Variants in DIS3L2 observed in about 807,000 individuals in gnomAD.
DIS3L2 encodes the protein DIS3-like exonuclease 2.
A neutral mutation model predicts 97.5 loss-of-function variants in DIS3L2; 34 were observed. The observed-to-expected ratio is 0.35, with a 90% CI of 0.27 to 0.46. DIS3L2 has a LOEUF of 0.46. DIS3L2 is among the 20% of genes least tolerant of loss of function. DIS3L2 has a pLI of 1.00. For synonymous variants in DIS3L2, 435 were observed against 445.2 expected (o/e 0.98, Z 0.29); for missense variants, 1,038 against 1,146.0 (o/e 0.91, Z 1.36).
At chr2:232,172,566 A>C (rs1291607215) in intron 9 of DIS3L2, 1 of 409,996 alleles carries the variant, frequency 2.4e-6, no homozygotes, top group Non-Finnish European at 5.2e-6. Flanking sequence ...TTGATTCCCC[A>C]GCTTGACTAT....
intron 19 of DIS3L2, 21 bp from the exon 20 acceptor site, chr2:232,335,752 G>A (rs1236933294): frequency 6.5e-7 from 1 of 1,549,160 alleles, no homozygotes; most frequent in Non-Finnish European, 8.7e-7. Flanking sequence ...TGAGGCCTGA[G>A]GCTTGGTGTT....
At chr2:232,077,007 A>T (rs1459765881) in intron 5 of DIS3L2, among the ~76,000 whole-genome samples, 1 of 152,074 alleles carries the variant, frequency 6.6e-6, no homozygotes, top group Non-Finnish European at 1.5e-5. Flanking sequence ...TACCCAGCCT[A>T]CTTTTCCAGC....
At chr2:232,085,226 C>A (rs1239793173) in intron 5 of DIS3L2, among the ~76,000 whole-genome samples, 2 of 152,224 alleles carry the variant, frequency 1.3e-5, no homozygotes, top group African/African-American at 4.8e-5. Flanking sequence ...ATTATTCTCT[C>A]ATTTACTTAA....
At chr2:232,098,242 A>G (rs1399401264) in intron 6 of DIS3L2, among the ~76,000 whole-genome samples, 1 of 152,102 alleles carries the variant, frequency 6.6e-6, no homozygotes, top group Non-Finnish European at 1.5e-5. Context: ...TTTTTTATTA[A>G]CTGAAGCTTC....
chr2:231,984,290 T>G (rs1055212083), intron 1 of DIS3L2, among the ~76,000 whole-genome samples: 3 of 151,998 alleles, frequency 2.0e-5, no homozygotes, highest in Non-Finnish European at 4.4e-5. Context: ...TATTTTTAAA[T>G]TAAACTTTTT....
chr2:232,287,032 A>T (rs776702721), intron 13 of DIS3L2, among the ~76,000 whole-genome samples: 1 of 152,166 alleles, frequency 6.6e-6, no homozygotes, highest in South Asian at 2.1e-4. Flanking sequence ...GAAAGGTGGA[A>T]GCAAGAGCAT....
intron 1 of DIS3L2, among the ~76,000 whole-genome samples, chr2:232,006,060 CTCCTATAG>C (rs1419935129): frequency 6.6e-6 from 1 of 152,148 alleles, no homozygotes; most frequent in Non-Finnish European, 1.5e-5. Context: ...TGGTGGCACA[CTCCTATAG>C]TCCTAGCTAC....
chr2:232,149,471 G>T (rs1185105731), intron 8 of DIS3L2, among the ~76,000 whole-genome samples: 1 of 142,412 alleles, frequency 7.0e-6, no homozygotes, highest in Non-Finnish European at 1.5e-5. Flanking sequence ...TCTTGCGATA[G>T]TTTACTGAGA....
intron 5 of DIS3L2, among the ~76,000 whole-genome samples, chr2:232,061,581 T>G (rs78827121): frequency 0.019 from 2,898 of 152,334 alleles, 95 homozygotes; most frequent in African/African-American, 0.066. Context: ...TACTTTTTCT[T>G]CAACATTCAA....
At chr2:232,327,857 C>T (rs1003124728) in intron 14 of DIS3L2, among the ~76,000 whole-genome samples, 1 of 152,196 alleles carries the variant, frequency 6.6e-6, no homozygotes, top group Non-Finnish European at 1.5e-5. Context: ...AGGCAGAGGG[C>T]CTGCCAGTGC....
chr2:232,086,168 C>T (rs531377883), intron 5 of DIS3L2, among the ~76,000 whole-genome samples: 10 of 151,370 alleles, frequency 6.6e-5, no homozygotes, highest in African/African-American at 2.4e-4. Context: ...GTGCTTTATA[C>T]GTATATACGT....
chr2:232,103,644 C>G (rs1697271068), intron 6 of DIS3L2, among the ~76,000 whole-genome samples: 1 of 152,134 alleles, frequency 6.6e-6, no homozygotes, highest in Non-Finnish European at 1.5e-5. Context: ...TGACATTAGT[C>G]TGCAGTTTCT....
chr2:232,039,897 G>C (rs979210884), intron 5 of DIS3L2, among the ~76,000 whole-genome samples: 2 of 152,156 alleles, frequency 1.3e-5, no homozygotes, highest in South Asian at 4.1e-4. Context: ...TGACAGTTCT[G>C]CCTGGAGCAG....
At chr2:232,247,641 G>GGGGGGGGGT (rs1693298000) in intron 11 of DIS3L2, among the ~76,000 whole-genome samples, 1 of 78,234 alleles carries the variant, frequency 1.3e-5, no homozygotes, top group Non-Finnish European at 3.0e-5. Flanking sequence ...GGGGGCGGGG[G>GGGGGGGGGT]GGAGGGTGCC....
chr2:232,290,415 A>T (rs1255419952), intron 13 of DIS3L2, among the ~76,000 whole-genome samples: 1 of 152,196 alleles, frequency 6.6e-6, no homozygotes, highest in African/African-American at 2.4e-5. Flanking sequence ...GGGCTCACCC[A>T]GTAATACAGG....
intron 14 of DIS3L2, among the ~76,000 whole-genome samples, chr2:232,306,768 T>C (rs1694994331): frequency 6.6e-6 from 1 of 152,264 alleles, no homozygotes; most frequent in Admixed American, 6.5e-5. Flanking sequence ...TGGAAGGGAC[T>C]GGGCACTCCT....
At position 232,270,883 on chromosome 2, in the gene DIS3L2, TC is replaced by T. The variant is rs1559185199; in HGVS notation, c.1659+7444del. On this transcript the variant is annotated intron_variant, in intron 13 of 20. Coordinates refer to ENST00000325385, the MANE Select transcript of DIS3L2 (RefSeq NM_152383.5). ...TCGTCTCTCTCTCTCTCTCTCTCTC[TC>T]TCTCTCTCTCTCTCTCTCTCTCTCT... Among the ~76,000 whole-genome samples, 558 of 147,366 alleles carry T rather than the reference TC, an allele frequency of 3.8e-3. 2 individuals carry two copies. The highest frequency in any genetic ancestry group is 4.5e-3 in the Non-Finnish European group (305 of 67,074).
chr2:231,972,360 C>T (rs188035611), intron 1 of DIS3L2, among the ~76,000 whole-genome samples: 19 of 152,176 alleles, frequency 1.2e-4, no homozygotes, highest in Admixed American at 3.3e-4. Flanking sequence ...ACAGTAGACT[C>T]GTTTACACCA....
At chr2:232,109,447 A>G (rs1697457688) in intron 6 of DIS3L2, among the ~76,000 whole-genome samples, 1 of 152,102 alleles carries the variant, frequency 6.6e-6, no homozygotes, top group Non-Finnish European at 1.5e-5. Flanking sequence ...TCTCAAAAAG[A>G]TAAAAATAAA....
Sources: allele counts gnomAD v4.1 joint callset (sites outside exome capture counted in the v4.1 genomes callset), GRCh38; gene constraint gnomAD v4.1.1; transcripts MANE v1.5; gene names NCBI Gene and HGNC (gene_info 2026-07-23, HGNC 2026-07-21).